The following SHISA9 variants were observed in gnomAD, a reference collection of about 807,000 sequenced individuals.
SHISA9 encodes the protein shisa family member 9, also known as protein shisa-9.
A neutral mutation model predicts 38.0 loss-of-function variants in SHISA9; 13 were observed. The ratio of observed to expected loss-of-function variants is 0.34; its 90% CI spans 0.22 to 0.54. The LOEUF is 0.54. Ranked by LOEUF, SHISA9 falls within the 20% of genes least tolerant of loss-of-function variation. The pLI, the probability that SHISA9 is intolerant of heterozygous loss-of-function variation, is 0.91. For synonymous variants in SHISA9, 275 were observed against 242.0 expected (o/e 1.14, Z -1.27); for missense variants, 538 against 575.8 (o/e 0.93, Z 0.67).
At chr16:13,124,143 A>G (rs942181773) in intron 2 of SHISA9, among the ~76,000 whole-genome samples, 12 of 152,146 alleles carry the variant, frequency 7.9e-5, no homozygotes, top group Admixed American at 5.9e-4. Context: ...ATTAATAGAA[A>G]CTGTGTTCCT....
At chr16:12,971,473 A>T (rs1271296387) in intron 2 of SHISA9, among the ~76,000 whole-genome samples, 2 of 152,180 alleles carry the variant, frequency 1.3e-5, no homozygotes, top group African/African-American at 4.8e-5. Context: ...CCCACGAAGG[A>T]TGAGTCAGCC....
At chr16:13,048,485 G>C (rs2073212765) in intron 2 of SHISA9, among the ~76,000 whole-genome samples, 1 of 152,144 alleles carries the variant, frequency 6.6e-6, no homozygotes, top group South Asian at 2.1e-4. Flanking sequence ...GCAATGGCAT[G>C]ATCTCTGTTC....
intron 2 of SHISA9, among the ~76,000 whole-genome samples, chr16:13,191,906 C>T (rs2050889123): frequency 6.6e-6 from 1 of 152,110 alleles, no homozygotes; most frequent in African/African-American, 2.4e-5. Flanking sequence ...ATGTTCATCG[C>T]AGCACTATTC....
At chr16:13,437,436 A>G in the SHISA9 span, among the ~76,000 whole-genome samples, 3 of 152,206 alleles carry the variant, frequency 2.0e-5, no homozygotes, top group Non-Finnish European at 1.5e-5. Context: ...TAAAAAAGAC[A>G]TTATCAATAT....
the SHISA9 span, among the ~76,000 whole-genome samples, chr16:13,313,842 C>T: frequency 6.6e-6 from 1 of 152,210 alleles, no homozygotes; most frequent in African/African-American, 2.4e-5. Flanking sequence ...CAACCTTCTT[C>T]ATTTCTGTAT....
intron 2 of SHISA9, among the ~76,000 whole-genome samples, chr16:13,196,003 G>T (rs1212855111): frequency 6.9e-6 from 1 of 143,890 alleles, no homozygotes; most frequent in Non-Finnish European, 1.5e-5. Flanking sequence ...CAGGAGAATC[G>T]CTTGAACCCG....
chr16:13,525,643 A>C, the SHISA9 span, among the ~76,000 whole-genome samples: 1 of 152,248 alleles, frequency 6.6e-6, no homozygotes, highest in Non-Finnish European at 1.5e-5. Context: ...CACTAAAATA[A>C]GTGGGAAAAA....
chr16:13,054,196 A>G (rs892418021), intron 2 of SHISA9, among the ~76,000 whole-genome samples: 11 of 152,194 alleles, frequency 7.2e-5, no homozygotes, highest in African/African-American at 2.7e-4. Flanking sequence ...TGATTCAAAC[A>G]CTGGCCTTAA....
chr16:12,901,810 C>A lies in SHISA9; in HGVS notation c.-255C>A. The A allele has an allele frequency of 6.7e-6, 1 of 148,184 alleles. No individual in the cohort carries two copies. The highest frequency in any genetic ancestry group is 2.0e-4 in the East Asian group (1 of 4,924). The allele number at this position is 148,184 out of a possible 1,614,324, so 9.2% of individuals were successfully genotyped here. A position where few individuals can be genotyped will look rare whatever the true frequency, so the allele number is the denominator to read the frequency against. On this transcript the variant is annotated 5_prime_UTR_variant, in exon 1 of 5. Coordinates refer to ENST00000558583, the MANE Select transcript of SHISA9 (RefSeq NM_001145204.3). ...TGACCCCGCTCATCCTCCCCCCGCC[C>A]GGCCGGGCGCGCTCCTCCCCGGCCG...
chr16:13,404,600 A>G, the SHISA9 span, among the ~76,000 whole-genome samples: 5 of 152,242 alleles, frequency 3.3e-5, no homozygotes, highest in Admixed American at 6.6e-5. Flanking sequence ...ATGTTATGAG[A>G]TGAAGCTGCA....
chr16:13,156,856 A>T (rs1181885864), intron 2 of SHISA9, among the ~76,000 whole-genome samples: 1 of 152,212 alleles, frequency 6.6e-6, no homozygotes, highest in Non-Finnish European at 1.5e-5. Flanking sequence ...GATACGTATA[A>T]TCAGGTAGTC....
the SHISA9 span, among the ~76,000 whole-genome samples, chr16:13,382,466 G>A: frequency 6.7e-6 from 1 of 148,892 alleles, no homozygotes. Context: ...GGAAGCGGAG[G>A]TTGCAGTGAG....
intron 2 of SHISA9, among the ~76,000 whole-genome samples, chr16:13,098,169 G>T (rs1339818131): frequency 6.6e-6 from 1 of 152,104 alleles, no homozygotes; most frequent in Admixed American, 6.5e-5. Context: ...TGTTGATAAG[G>T]CATGTAAATC....
chr16:12,919,243 G>C (rs552004384), intron 2 of SHISA9, among the ~76,000 whole-genome samples: 1 of 152,298 alleles, frequency 6.6e-6, no homozygotes, highest in African/African-American at 2.4e-5. Context: ...CTTTGTGCCA[G>C]AACCAGAAGG....
At position 13,238,340 on chromosome 16, in the gene SHISA9, A is replaced by C. The variant is rs921386570; in HGVS notation, c.*2931A>C. 1 of 152,210 alleles carries C rather than the reference A, an allele frequency of 6.6e-6. No individual in the cohort carries two copies. The highest frequency in any genetic ancestry group is 2.4e-5 in the African/African-American group (1 of 41,456). 9.4% of individuals were successfully genotyped at this position (152,210 alleles called of 1,614,324 possible). On this transcript the variant is annotated 3_prime_UTR_variant, in exon 5 of 5. Coordinates refer to ENST00000558583, the MANE Select transcript of SHISA9 (RefSeq NM_001145204.3). ...ATCATTGTGCATACACTAGGGGTGCATAGCCCACACTTCAGAAAACCCTGG... is the reference window on the plus strand; with the variant it reads ...ATCATTGTGCATACACTAGGGGTGCCTAGCCCACACTTCAGAAAACCCTGG...
At chr16:13,138,620 G>A (rs2050370835) in intron 2 of SHISA9, among the ~76,000 whole-genome samples, 2 of 152,166 alleles carry the variant, frequency 1.3e-5, no homozygotes, top group South Asian at 4.1e-4. Context: ...GTAGACTCTT[G>A]AAGAAAGATT....
the SHISA9 span, among the ~76,000 whole-genome samples, chr16:13,347,843 C>A: frequency 1.4e-5 from 1 of 69,362 alleles, no homozygotes; most frequent in Admixed American, 1.6e-4. Context: ...TAACGTACCC[C>A]CCCACAAAGA....
At chr16:13,114,933 T>TCCATCCAA (rs2074016843) in intron 2 of SHISA9, among the ~76,000 whole-genome samples, 1 of 151,910 alleles carries the variant, frequency 6.6e-6, no homozygotes. Context: ...CATCCATCCA[T>TCCATCCAA]CCATCCTTCT....
chr16:13,186,366 C>T (rs904756359), intron 2 of SHISA9, among the ~76,000 whole-genome samples: 11 of 136,720 alleles, frequency 8.0e-5, no homozygotes, highest in Admixed American at 2.5e-4. Flanking sequence ...GGTGCGATCT[C>T]GGCTCACTGC....
Sources: gnomAD v4.1 joint callset for allele counts (sites outside exome capture counted in the v4.1 genomes callset) on GRCh38, gnomAD v4.1.1 for gene constraint, MANE v1.5 for transcripts, NCBI Gene and HGNC (gene_info 2026-07-23, HGNC 2026-07-21) for gene names.